The following DENND4A variants were observed in gnomAD, a reference collection of about 807,000 sequenced individuals.
DENND4A encodes DENN domain containing 4A, also known as C-myc promoter-binding protein.
Under a neutral mutation model 199.3 loss-of-function variants are expected in DENND4A, and 70 were observed. The observed-to-expected ratio is 0.35, with a 90% CI of 0.29 to 0.43. The LOEUF (loss-of-function observed/expected upper bound fraction) is 0.43. Among genes scored for constraint, DENND4A ranks in the 20% least tolerant of loss-of-function variants. The pLI, the probability that DENND4A is intolerant of heterozygous loss-of-function variation, is 1.00. For missense variants in DENND4A, 1,723 were observed against 2,255.8 expected, an observed-to-expected ratio of 0.76 and a Z score of 4.78; for synonymous variants, 686 against 766.9, an observed-to-expected ratio of 0.89 and a Z score of 1.74.
At chr15:65,700,489 C>T (rs941950432) in intron 20 of DENND4A, 55 bp downstream of exon 20, 3 of 1,179,942 alleles carry the variant, frequency 2.5e-6, no homozygotes, top group Non-Finnish European at 3.3e-6. Flanking sequence ...CATAGGCTAG[C>T]AAATCTAGTT....
At chr15:65,684,632 G>C (rs573562395) in intron 23 of DENND4A, among the ~76,000 whole-genome samples, 1 of 152,126 alleles carries the variant, frequency 6.6e-6, no homozygotes, top group Admixed American at 6.6e-5. Flanking sequence ...CAGAATTTGC[G>C]TATCTTTTCC....
intron 12 of DENND4A, among the ~76,000 whole-genome samples, chr15:65,720,459 T>G (rs920340768): frequency 6.6e-6 from 1 of 151,170 alleles, no homozygotes; most frequent in Non-Finnish European, 1.5e-5. Context: ...TCTCCCAGGC[T>G]GGAGTGCAGT....
At chr15:65,709,038 T>C (rs1316695813) in intron 14 of DENND4A, among the ~76,000 whole-genome samples, 1 of 152,224 alleles carries the variant, frequency 6.6e-6, no homozygotes, top group Non-Finnish European at 1.5e-5. Context: ...TGAATAACAG[T>C]ATCACACGTC....
chr15:65,698,320 T>C (rs2077223097), intron 20 of DENND4A, among the ~76,000 whole-genome samples: 1 of 142,676 alleles, frequency 7.0e-6, no homozygotes, highest in Non-Finnish European at 1.5e-5. Flanking sequence ...ATACACTGTG[T>C]TGCTAAAGAG....
intron 29 of DENND4A, 105 bp from the exon 30 acceptor site, chr15:65,665,567 C>T: frequency 3.8e-6 from 3 of 794,900 alleles, no homozygotes; most frequent in Middle Eastern, 3.8e-4. Flanking sequence ...ATGTGCGAGA[C>T]AGAAAAGAGA....
chr15:65,729,238 G>A lies in DENND4A; in HGVS notation c.1321C>T (p.Pro441Ser). The A allele has an allele frequency of 6.4e-7, 1 of 1,573,262 alleles. No individual in the cohort carries two copies. Among genetic ancestry groups the A allele is most frequent in the Non-Finnish European group, 8.6e-7 (1 of 1,158,516 alleles). Reference protein sequence around the residue: ...VTEALVSMIFPFHWPCPYVPL... With the variant: ...VTEALVSMIFSFHWPCPYVPL... ...ACATACGGGCATGGCCAGTGGAAAG[G>A]GAAAATCATCTTGGATAAACAAAAG... The change falls in exon 11 of 33, where the codon CCT (proline) becomes TCT (serine). Residue 441 changes from proline (P) to serine (S), a missense_variant. This residue lies in a region of DENND4A where 725 missense variants were observed against 952.9 expected (regional missense o/e 0.76). Coordinates refer to ENST00000443035, the MANE Select transcript of DENND4A (RefSeq NM_001320835.1).
chr15:65,688,399 C>A (rs1302255665), intron 23 of DENND4A, among the ~76,000 whole-genome samples: 1 of 151,964 alleles, frequency 6.6e-6, no homozygotes, highest in African/African-American at 2.4e-5. Flanking sequence ...TCCTTTATAC[C>A]AAGTAATTTT....
At chr15:65,687,524 A>C (rs2076831838) in intron 23 of DENND4A, among the ~76,000 whole-genome samples, 2 of 152,104 alleles carry the variant, frequency 1.3e-5, no homozygotes, top group African/African-American at 4.8e-5. Flanking sequence ...TCTTCAGTTT[A>C]AATAACTTCC....
chr15:65,748,301 A>AAAAAT (rs1244235066), intron 4 of DENND4A, among the ~76,000 whole-genome samples: 2 of 152,024 alleles, frequency 1.3e-5, no homozygotes, highest in African/African-American at 2.4e-5. Context: ...TAGGGTGAGA[A>AAAAAT]AAAATAAAAT....
chr15:65,710,031 CA>C (rs1299189689), intron 14 of DENND4A, among the ~76,000 whole-genome samples: 1 of 151,938 alleles, frequency 6.6e-6, no homozygotes, highest in African/African-American at 2.4e-5. Flanking sequence ...GCAATGATTC[CA>C]GTCACCTTCT....
At chr15:65,673,161 G>A (rs981687311) in intron 24 of DENND4A, among the ~76,000 whole-genome samples, 5 of 149,134 alleles carry the variant, frequency 3.4e-5, no homozygotes, top group African/African-American at 9.8e-5. Context: ...GTGCCCAGCC[G>A]AGGACTGGTA....
chr15:65,779,184 A>G (rs555910472), intron 1 of DENND4A, among the ~76,000 whole-genome samples: 2 of 152,106 alleles, frequency 1.3e-5, no homozygotes, highest in Non-Finnish European at 2.9e-5. Context: ...GGCCAGGCGC[A>G]GTGGCTCACA....
At chr15:65,698,340 C>T (rs1322497904) in intron 20 of DENND4A, among the ~76,000 whole-genome samples, 1 of 152,130 alleles carries the variant, frequency 6.6e-6, no homozygotes, top group Non-Finnish European at 1.5e-5. Context: ...GGCTCTGCAT[C>T]ATTTTTAGAA....
chr15:65,690,794 G>T lies in DENND4A; in HGVS notation c.3800C>A (p.Thr1267Lys). 1 of 1,613,462 alleles carries T rather than the reference G, an allele frequency of 6.2e-7. No individual in the cohort carries two copies. Among genetic ancestry groups the T allele is most frequent in the Non-Finnish European group, 8.5e-7 (1 of 1,179,740 alleles). The stretch of plus-strand genomic sequence containing the variant: ...TGCCCGTTGTAAATCAATGCTTGGT[G>T]TACGACTTGTCAAAGGACTGCTCAT... ...NNMSSPLTSRTPSIDLQRACD... is the reference protein window; with the variant it reads ...NNMSSPLTSRKPSIDLQRACD... The change falls in exon 23 of 33, where the codon ACA (threonine) becomes AAA (lysine). Residue 1267 changes from threonine to lysine, a missense_variant. By Grantham distance (78) the Thr-to-Lys change is moderately conservative (BLOSUM62 -1). Coordinates refer to ENST00000443035, the MANE Select transcript of DENND4A (RefSeq NM_001320835.1).
chr15:65,731,320 G>A, intron 9 of DENND4A: 2 of 351,828 alleles, frequency 5.7e-6, no homozygotes, highest in South Asian at 2.4e-5. Flanking sequence ...AAAATTAATT[G>A]CATTTGAATG....
intron 15 of DENND4A, among the ~76,000 whole-genome samples, chr15:65,705,205 T>C (rs1596479410): frequency 3.9e-5 from 6 of 152,266 alleles, no homozygotes; most frequent in Admixed American, 3.9e-4. Flanking sequence ...ATCACACCAC[T>C]TTTTCATCTG....
intron 5 of DENND4A, among the ~76,000 whole-genome samples, chr15:65,741,176 C>A (rs1006656933): frequency 2.0e-5 from 3 of 151,946 alleles, no homozygotes; most frequent in Non-Finnish European, 4.4e-5. Context: ...CCTCAGCCTC[C>A]GAAAAAACTG....
chr15:65,703,868 G>C (rs2074955413), intron 15 of DENND4A, among the ~76,000 whole-genome samples: 1 of 152,136 alleles, frequency 6.6e-6, no homozygotes, highest in Non-Finnish European at 1.5e-5. Flanking sequence ...GTGAAAGGCA[G>C]CAGTTAGGAA....
intron 7 of DENND4A, among the ~76,000 whole-genome samples, chr15:65,736,730 A>G (rs984523492): frequency 4.6e-5 from 7 of 152,192 alleles, no homozygotes; most frequent in Non-Finnish European, 8.8e-5. Context: ...TTCTACCTAC[A>G]TATCTGTGGG....
Sources: gnomAD v4.1 joint callset for allele counts (sites outside exome capture counted in the v4.1 genomes callset) on GRCh38, gnomAD v4.1.1 for gene constraint, gnomAD v4.1.1 regional missense constraint, MANE v1.5 for transcripts, NCBI Gene and HGNC (gene_info 2026-07-23, HGNC 2026-07-21) for gene names.